NPSR1: variants seen among roughly 807,000 people sequenced by gnomAD.
NPSR1 encodes neuropeptide S receptor.
NPSR1 carries 48 observed loss-of-function variants against 46.9 expected under a neutral mutation model. The ratio of observed to expected loss-of-function variants is 1.02; its 90% CI spans 0.81 to 1.30. The LOEUF is 1.30. NPSR1 is among the 50% of genes most tolerant of loss of function. The pLI is 0.00. For synonymous variants in NPSR1, 176 were observed against 168.1 expected, an observed-to-expected ratio of 1.05 and a Z score of -0.36; for missense variants, 450 against 449.5, an observed-to-expected ratio of 1.00 and a Z score of -0.01.
At chr7:34,684,789 C>A (rs1455524806) in intron 2 of NPSR1, 105 bp downstream of exon 2, 2 of 902,436 alleles carry the variant, frequency 2.2e-6, no homozygotes, top group Non-Finnish European at 3.2e-6. Flanking sequence ...ACGCATCGGT[C>A]AATTTGGGAA....
chr7:34,778,873 A>G (rs1388891603), intron 3 of NPSR1, among the ~76,000 whole-genome samples: 1 of 152,130 alleles, frequency 6.6e-6, no homozygotes, highest in African/African-American at 2.4e-5. Flanking sequence ...TAATCTCCAA[A>G]AAGTTTGTTA....
At chr7:34,783,601 T>C (rs1245022973) in intron 3 of NPSR1, among the ~76,000 whole-genome samples, 1 of 151,874 alleles carries the variant, frequency 6.6e-6, no homozygotes, top group Non-Finnish European at 1.5e-5. Context: ...TTTAAAGAAA[T>C]AATAGCAGAA....
intron 3 of NPSR1, among the ~76,000 whole-genome samples, chr7:34,791,601 GACTTAAT>G (rs1291749869): frequency 6.6e-6 from 1 of 151,790 alleles, no homozygotes; most frequent in East Asian, 1.9e-4. Context: ...TAAATATACA[GACTTAAT>G]ACTTTAAAGT....
intron 8 of NPSR1, among the ~76,000 whole-genome samples, chr7:34,855,633 A>G (rs1167993229): frequency 6.6e-6 from 1 of 152,142 alleles, no homozygotes; most frequent in African/African-American, 2.4e-5. Flanking sequence ...TATAGTCTTC[A>G]GTAAAATAGA....
intron 1 of NPSR1, among the ~76,000 whole-genome samples, chr7:34,667,920 A>G (rs1791835065): frequency 6.6e-6 from 1 of 151,976 alleles, no homozygotes; most frequent in Non-Finnish European, 1.5e-5. Context: ...AGCAAAAAAA[A>G]CCATTCTAAG....
At position 34,672,498 on chromosome 7, in the gene NPSR1, C is replaced by T. The variant is rs1792108515; in HGVS notation, c.148-12054C>T. Among the ~76,000 whole-genome samples, 4 of 151,310 alleles carry T rather than the reference C, an allele frequency of 2.6e-5. No homozygotes were observed. The South Asian group carries it at 8.4e-4, about 32-fold the overall frequency. ...GCAGTCCCACATGCCAAGCCCTGAT[C>T]GAAATGAGAACGTTTAGGATGTGGG... On this transcript the variant is annotated intron_variant, in intron 1 of 8. Transcript: ENST00000360581.
At chr7:34,767,509 A>G (rs1344820286) in intron 2 of NPSR1, among the ~76,000 whole-genome samples, 1 of 149,992 alleles carries the variant, frequency 6.7e-6, no homozygotes, top group Non-Finnish European at 1.5e-5. Context: ...TAGACTTTAC[A>G]CAGCCAGAGG....
intron 7 of NPSR1, 56 bp from the exon 8 acceptor site, chr7:34,848,427 A>G: frequency 1.3e-6 from 2 of 1,536,248 alleles, no homozygotes; most frequent in Non-Finnish European, 1.8e-6. Flanking sequence ...GGACCAACCA[A>G]AAGAGACCCC....
intron 3 of NPSR1, among the ~76,000 whole-genome samples, chr7:34,787,534 C>G (rs1363019964): frequency 2.0e-5 from 3 of 152,020 alleles, no homozygotes; most frequent in Non-Finnish European, 4.4e-5. Flanking sequence ...GCTAACTGGC[C>G]CAAAACTAAG....
At chr7:34,663,067 C>CTCTCTCTCTCTGTGTGTG (rs35826710) in intron 1 of NPSR1, among the ~76,000 whole-genome samples, 22 of 99,380 alleles carry the variant, frequency 2.2e-4, no homozygotes, top group African/African-American at 1.3e-3. Context: ...CTCTCTCTCT[C>CTCTCTCTCTCTGTGTGTG]TGTGTGTGTG....
At chr7:34,872,889 A>C (rs1283540377) in intron 8 of NPSR1, among the ~76,000 whole-genome samples, 1 of 151,864 alleles carries the variant, frequency 6.6e-6, no homozygotes, top group African/African-American at 2.4e-5. Flanking sequence ...AAAATTTTCC[A>C]AATTTTTATG....
rs112440405 is a variant in NPSR1, at chr7:34,857,564, C to T, written c.1025+8901C>T. On this transcript the variant is annotated intron_variant, in intron 8 of 8. Transcript: ENST00000359791. Reference sequence around the variant, plus strand: ...GGACATTTATGTGGGAGAAAATTTACTGAAAACCTACTGGATTATATGTCA... The same window carrying T: ...GGACATTTATGTGGGAGAAAATTTATTGAAAACCTACTGGATTATATGTCA... Among the ~76,000 whole-genome samples the T allele has an allele frequency of 4.2e-3, 637 of 151,796 alleles. 24 individuals carry two copies. The highest frequency in any genetic ancestry group is 0.015 in the African/African-American group (617 of 41,130).
chr7:34,722,578 G>C (rs1583880871), intron 2 of NPSR1, among the ~76,000 whole-genome samples: 1 of 152,174 alleles, frequency 6.6e-6, no homozygotes, highest in African/African-American at 2.4e-5. Flanking sequence ...GGTATATTTA[G>C]ATTTGTAAGG....
In NPSR1 at chr7:34,864,123, C is replaced by T. The variant is rs533196628; in HGVS notation, c.1026-13953C>T. ...CATTCTCAGCAAACTAACACAGGAA[C>T]AGAAAACCAAACACTGCATGTCCTC... On this transcript the variant is annotated intron_variant, in intron 8 of 8. Coordinates refer to the NPSR1 transcript ENST00000359791. 7.4e-4 allele frequency among the ~76,000 whole-genome samples: 112 copies of T among 151,776 alleles called. 3 individuals carry two copies. Among genetic ancestry groups the T allele is most frequent in the African/African-American group, 2.5e-3 (102 of 41,100 alleles).
At position 34,712,888 on chromosome 7, in the gene NPSR1, C is replaced by T. The variant is rs1783371870; in HGVS notation, c.280+28204C>T. On this transcript the variant is annotated intron_variant, in intron 2 of 8. Coordinates refer to ENST00000360581, the MANE Select transcript of NPSR1 (RefSeq NM_207172.2). ...ATAGCCACGTGCTCATTTGGGTATC[C>T]ATCAAAAGACTACATTTCAGTATAT... Among the ~76,000 whole-genome samples the T allele has an allele frequency of 2.0e-5, 3 of 152,088 alleles. No individual in the cohort carries two copies. The South Asian group carries it at 6.2e-4, about 32-fold the overall frequency.
At chr7:34,669,191 G>T (rs1474925196) in intron 1 of NPSR1, among the ~76,000 whole-genome samples, 1 of 152,188 alleles carries the variant, frequency 6.6e-6, no homozygotes, top group Non-Finnish European at 1.5e-5. Flanking sequence ...ATGAAATAAA[G>T]AATTTTGGAA....
At chr7:34,670,522 C>T (rs530758827) in intron 1 of NPSR1, among the ~76,000 whole-genome samples, 68 of 150,794 alleles carry the variant, frequency 4.5e-4, no homozygotes, top group Non-Finnish European at 8.0e-4. Flanking sequence ...ATTATTCAAG[C>T]CTAAAAACAA....
At chr7:34,697,435 T>C (rs1361922688) in intron 2 of NPSR1, among the ~76,000 whole-genome samples, 1 of 151,608 alleles carries the variant, frequency 6.6e-6, no homozygotes, top group Non-Finnish European at 1.5e-5. Flanking sequence ...TATATATGTT[T>C]ATATATAGAG....
intron 8 of NPSR1, among the ~76,000 whole-genome samples, chr7:34,871,257 T>C (rs1754369463): frequency 1.3e-5 from 2 of 151,324 alleles, no homozygotes; most frequent in African/African-American, 4.9e-5. Context: ...CCACACTCTC[T>C]TAAACAACCA....
Sources: gnomAD v4.1 joint callset for allele counts (sites outside exome capture counted in the v4.1 genomes callset) on GRCh38, gnomAD v4.1.1 for gene constraint, MANE v1.5 for transcripts, NCBI Gene and HGNC (gene_info 2026-07-23, HGNC 2026-07-21) for gene names.